NBPF9: variants seen among roughly 807,000 people sequenced by gnomAD.
The protein encoded by NBPF9 is NBPF member 9.
Under a neutral mutation model 97.8 loss-of-function variants are expected in NBPF9, and 91 were observed. The ratio of observed to expected loss-of-function variants is 0.93; its 90% CI spans 0.79 to 1.11. The LOEUF is 1.11. Among genes scored for constraint, NBPF9 ranks in the 50% least tolerant of loss-of-function variants. The pLI is 0.00. For missense variants in NBPF9, 992 were observed against 939.5 expected, an observed-to-expected ratio of 1.06 and a Z score of -0.73; for synonymous variants, 334 against 359.5, an observed-to-expected ratio of 0.93 and a Z score of 0.80.
chr1:149,059,626 C>A, intron 25 of NBPF9, 74 bp downstream of exon 25: 1 of 539,756 alleles, frequency 1.9e-6, no homozygotes. Flanking sequence ...ACATCAAACA[C>A]ACTCTGGTTT....
At chr1:149,079,108 A>G in exon 9 of NBPF9, 2 of 1,285,060 alleles carry the variant, frequency 1.6e-6, no homozygotes. Context: ...ATCCGGAGTG[A>G]GGAGGGCCTG....
Position 149,059,936 on chromosome 1 carries a change from T to C in NBPF9, c.2477-128A>G, listed in dbSNP as rs1559518102. The C allele has an allele frequency of 5.9e-5, 25 of 426,688 alleles. 7 individuals carry two copies. The South Asian group carries it at 7.0e-4, about 12-fold the overall frequency. 26.4% of individuals were successfully genotyped at this position (426,688 alleles called of 1,614,324 possible). A position where few individuals can be genotyped will look rare whatever the true frequency, so the allele number is the denominator to read the frequency against. ...TAAGAATAGGACACTGTGAGAGATA[T>C]ATTTCAGGAGGCCTGAAGGCTGGTT... On this transcript the variant is annotated intron_variant, in intron 24 of 29. Transcript: ENST00000584027.
At chr1:149,094,104 G>A (rs1250637124) in intron 4 of NBPF9, among the ~76,000 whole-genome samples, 22 of 152,182 alleles carry the variant, frequency 1.4e-4, no homozygotes, top group South Asian at 8.3e-4. Flanking sequence ...CGTTGCATTC[G>A]AGCCCAAGGA....
chr1:149,090,539 T>A (rs1378554177), intron 5 of NBPF9: 2 of 474,676 alleles, frequency 4.2e-6, no homozygotes, highest in Non-Finnish European at 7.5e-6. Flanking sequence ...ATGCATTAAA[T>A]TTAAGCCTAA....
Position 149,055,357 on chromosome 1 carries a change from T to C in NBPF9, c.*299A>G, listed in dbSNP as rs2078134347. 6.8e-6 allele frequency: 4 copies of C among 588,760 alleles called. No homozygotes were observed. The African/African-American group carries it at 7.5e-5, about 11-fold the overall frequency. The allele number at this position is 588,760 out of a possible 1,614,324, so 36.5% of individuals were successfully genotyped here. ...GAAGCTCAGAGACATGTCTGCAAAA[T>C]GAAATCCCTGAGGAATTTTGTAGCT... is the stretch of plus-strand genomic sequence containing the variant. On this transcript the variant is annotated 3_prime_UTR_variant, in exon 30 of 30. Coordinates refer to ENST00000584027, the Ensembl canonical transcript of NBPF9.
At chr1:149,072,592 T>C (rs1286853112) in intron 14 of NBPF9, 126 bp downstream of exon 14, 12 of 1,431,438 alleles carry the variant, frequency 8.4e-6, no homozygotes, top group African/African-American at 2.8e-5. Flanking sequence ...GTCCTTGTCA[T>C]GTCATGGCCA....
chr1:149,074,358 T>C (rs868983841), intron 12 of NBPF9, among the ~76,000 whole-genome samples: 9 of 151,710 alleles, frequency 5.9e-5, no homozygotes, highest in African/African-American at 1.9e-4. Context: ...TCTTCAGTTA[T>C]GATTTTAAGA....
At chr1:149,097,014 C>CA (rs1303261764) in intron 4 of NBPF9, among the ~76,000 whole-genome samples, 1 of 132,438 alleles carries the variant, frequency 7.6e-6, no homozygotes, top group African/African-American at 2.9e-5. Context: ...ACATGAGAGA[C>CA]AAAGAAAAAG....
At chr1:149,053,399 AT>A (rs1456993516), downstream of NBPF9, among the ~76,000 whole-genome samples, 1 of 68,000 alleles carries the variant, frequency 1.5e-5, no homozygotes, top group Non-Finnish European at 3.0e-5. Flanking sequence ...CAGAAAAATC[AT>A]TTTGGGCAAG....
intron 14 of NBPF9, among the ~76,000 whole-genome samples, chr1:149,072,085 T>A: frequency 6.7e-6 from 1 of 148,778 alleles, no homozygotes; most frequent in African/African-American, 2.5e-5. Flanking sequence ...CCTCTATGCA[T>A]CAGAAGATTT....
intron 18 of NBPF9, chr1:149,064,885 G>C: frequency 3.8e-6 from 2 of 527,056 alleles, no homozygotes; most frequent in Middle Eastern, 5.2e-4. Flanking sequence ...TGATGAGGGG[G>C]TGCAATGAAC....
At chr1:149,063,590 A>T (rs1483372503) in intron 20 of NBPF9, 43 bp downstream of exon 20, 9 of 611,336 alleles carry the variant, frequency 1.5e-5, no homozygotes, top group Admixed American at 3.0e-5. Context: ...CCCTAACCAG[A>T]AGACTCAGTG....
At chr1:149,073,253 G>A (rs1379670873) in intron 13 of NBPF9, among the ~76,000 whole-genome samples, 1 of 145,588 alleles carries the variant, frequency 6.9e-6, no homozygotes, top group Non-Finnish European at 1.5e-5. Flanking sequence ...ACATTTCCAT[G>A]TGAAAATACA....
chr1:149,082,964 T>TTTTC (rs2080637496), intron 5 of NBPF9, among the ~76,000 whole-genome samples: 1 of 109,600 alleles, frequency 9.1e-6, no homozygotes, highest in Non-Finnish European at 2.0e-5. Context: ...TTTCTTTTTT[T>TTTTC]TTTTTTTTTT....
chr1:149,086,862 C>A (rs1332013714), intron 5 of NBPF9, among the ~76,000 whole-genome samples: 7 of 152,096 alleles, frequency 4.6e-5, no homozygotes, highest in African/African-American at 1.7e-4. Context: ...TGGAAACACA[C>A]ATACAGATCA....
At chr1:149,085,884 G>A (rs2080952715) in intron 5 of NBPF9, among the ~76,000 whole-genome samples, 1 of 151,766 alleles carries the variant, frequency 6.6e-6, no homozygotes, top group Non-Finnish European at 1.5e-5. Context: ...AATTCCCTAT[G>A]CCCCAAAGTT....
At chr1:149,088,428 T>A (rs2152918721) in intron 5 of NBPF9, among the ~76,000 whole-genome samples, 1 of 152,266 alleles carries the variant, frequency 6.6e-6, no homozygotes, top group East Asian at 1.9e-4. Flanking sequence ...AGAGCTCTAG[T>A]ATAATGCTGA....
intron 27 of NBPF9, among the ~76,000 whole-genome samples, 197 bp from the exon 28 acceptor site, chr1:149,057,704 G>C (rs1332960216): frequency 0.016 from 447 of 27,686 alleles, 1 homozygote; most frequent in African/African-American, 0.033. Context: ...AAGACAGATA[G>C]ACACACACAC....
At position 149,072,910 on chromosome 1, in the gene NBPF9, C is replaced by T. The variant is rs1474424317; in HGVS notation, c.1114G>A (p.Ala372Thr). The T allele has an allele frequency of 8.8e-5, 142 of 1,606,906 alleles. 3 individuals carry two copies. The highest frequency in any genetic ancestry group is 6.0e-4 in the African/African-American group (45 of 74,810). The change falls in exon 14 of 30, where the codon GCT becomes ACT. Residue 372 changes from alanine (A) to threonine (T), a missense_variant. This residue lies in a region of NBPF9 where 187 missense variants were observed against 149.6 expected (regional missense o/e 1.25). Coordinates refer to ENST00000584027, the Ensembl canonical transcript of NBPF9. ...AACTGGGTCAGCTCTCGTTCCTGAG[C>T]GTGAACCAGGACTTTATATTGCCTA...
Sources: gnomAD v4.1 joint callset for allele counts (sites outside exome capture counted in the v4.1 genomes callset) on GRCh38, gnomAD v4.1.1 for gene constraint, gnomAD v4.1.1 regional missense constraint, MANE v1.5 for transcripts, NCBI Gene and HGNC (gene_info 2026-07-23, HGNC 2026-07-21) for gene names.